CNTNAP2: variants seen among roughly 807,000 people sequenced by gnomAD.
CNTNAP2 encodes the protein contactin associated protein 2, also known as contactin-associated protein-like 2.
Under a neutral mutation model 155.2 loss-of-function variants are expected in CNTNAP2, and 98 were observed. That is an observed-to-expected ratio of 0.63 (90% CI 0.54 to 0.75). The LOEUF is 0.75. Ranked by LOEUF, CNTNAP2 falls within the 30% of genes least tolerant of loss-of-function variation. The pLI is 0.00. For missense variants in CNTNAP2, 1,727 were observed against 1,688.1 expected (o/e 1.02, Z -0.40); for synonymous variants, 651 against 631.2 (o/e 1.03, Z -0.47).
At chr7:146,179,960 T>C (rs1012059978) in intron 1 of CNTNAP2, among the ~76,000 whole-genome samples, 8 of 152,140 alleles carry the variant, frequency 5.3e-5, no homozygotes, top group Non-Finnish European at 8.8e-5. Context: ...CAGTGCTGTA[T>C]GTGTGTGTGT....
At chr7:147,816,358 G>T (rs1798266361) in intron 13 of CNTNAP2, among the ~76,000 whole-genome samples, 1 of 152,042 alleles carries the variant, frequency 6.6e-6, no homozygotes, top group Non-Finnish European at 1.5e-5. Flanking sequence ...GCAAAGACGG[G>T]TATGTACGGG....
At chr7:147,257,360 G>C (rs1804355568) in intron 8 of CNTNAP2, among the ~76,000 whole-genome samples, 1 of 152,190 alleles carries the variant, frequency 6.6e-6, no homozygotes, top group East Asian at 1.9e-4. Flanking sequence ...TCCTTTCAAA[G>C]GGAATCCTTG....
At chr7:147,296,922 G>A (rs1273175656) in intron 8 of CNTNAP2, among the ~76,000 whole-genome samples, 2 of 152,162 alleles carry the variant, frequency 1.3e-5, no homozygotes, top group Non-Finnish European at 1.5e-5. Context: ...ATCATTGGAA[G>A]CCATTGAAAT....
intron 15 of CNTNAP2, among the ~76,000 whole-genome samples, chr7:148,105,021 T>A (rs1478987890): frequency 6.6e-6 from 1 of 152,196 alleles, no homozygotes; most frequent in Non-Finnish European, 1.5e-5. Flanking sequence ...TGAATACCTG[T>A]GTGTCAAGCT....
intron 1 of CNTNAP2, among the ~76,000 whole-genome samples, chr7:146,526,764 C>T (rs1422983733): frequency 6.6e-6 from 1 of 152,092 alleles, no homozygotes; most frequent in Non-Finnish European, 1.5e-5. Flanking sequence ...ATTGTTCAAA[C>T]ATTTTGCCAT....
chr7:147,518,505 A>G (rs1799171778), intron 11 of CNTNAP2, among the ~76,000 whole-genome samples: 1 of 152,224 alleles, frequency 6.6e-6, no homozygotes, highest in African/African-American at 2.4e-5. Flanking sequence ...TACAGATGCT[A>G]TGAGAACATA....
intron 13 of CNTNAP2, among the ~76,000 whole-genome samples, chr7:147,781,643 A>C (rs1431021301): frequency 6.6e-6 from 1 of 152,188 alleles, no homozygotes; most frequent in Non-Finnish European, 1.5e-5. Context: ...ATTGTTTACA[A>C]TCAGGTTAGA....
At chr7:148,073,898 C>T (rs1185119317) in intron 15 of CNTNAP2, among the ~76,000 whole-genome samples, 1 of 152,104 alleles carries the variant, frequency 6.6e-6, no homozygotes, top group Admixed American at 6.6e-5. Flanking sequence ...ACTGACTTTT[C>T]ATCTGGGAGG....
chr7:146,600,525 G>A (rs978168437), intron 1 of CNTNAP2, among the ~76,000 whole-genome samples: 1 of 152,014 alleles, frequency 6.6e-6, no homozygotes, highest in South Asian at 2.1e-4. Context: ...AAAAGGTGAG[G>A]TGGAAAGAGT....
intron 13 of CNTNAP2, among the ~76,000 whole-genome samples, chr7:147,733,275 G>A (rs1404885608): frequency 6.6e-6 from 1 of 151,418 alleles, no homozygotes; most frequent in East Asian, 1.9e-4. Context: ...GTTAAATAGG[G>A]AATCCTTTCC....
At chr7:146,951,658 T>C (rs1375194597) in intron 3 of CNTNAP2, among the ~76,000 whole-genome samples, 1 of 152,206 alleles carries the variant, frequency 6.6e-6, no homozygotes, top group African/African-American at 2.4e-5. Context: ...TCTATATGTC[T>C]GTTTTGTTAC....
In CNTNAP2 at chr7:146,216,265, G is replaced by A. The variant is rs1799111312; in HGVS notation, c.97+99292G>A. Among the ~76,000 whole-genome samples the A allele has an allele frequency of 2.0e-5, 3 of 152,260 alleles. No homozygotes were observed. The South Asian group carries it at 6.2e-4, about 32-fold the overall frequency. ...TTGGAAGTTAGGCAGTGGTTGATGA[G>A]GTGATCAAGGTGGGAGATATGAGTG... On this transcript the variant is annotated intron_variant, in intron 1 of 23. Transcript: ENST00000361727.
intron 9 of CNTNAP2, among the ~76,000 whole-genome samples, chr7:147,324,848 A>G (rs754193888): frequency 6.6e-6 from 1 of 152,188 alleles, no homozygotes; most frequent in Non-Finnish European, 1.5e-5. Context: ...AACTGGCTAA[A>G]CAAAGATACA....
At chr7:146,182,144 TA>T (rs1192849921) in intron 1 of CNTNAP2, among the ~76,000 whole-genome samples, 1 of 152,126 alleles carries the variant, frequency 6.6e-6, no homozygotes, top group Admixed American at 6.6e-5. Context: ...CTAAAATATT[TA>T]GTATCTTCTT....
intron 13 of CNTNAP2, among the ~76,000 whole-genome samples, chr7:147,732,376 T>C (rs1009585162): frequency 1.3e-5 from 2 of 152,192 alleles, no homozygotes; most frequent in Admixed American, 6.5e-5. Context: ...CTCATCCTTT[T>C]TATGGCTGCA....
At chr7:148,024,183 T>C (rs1411733409) in intron 15 of CNTNAP2, among the ~76,000 whole-genome samples, 2 of 128,304 alleles carry the variant, frequency 1.6e-5, no homozygotes, top group South Asian at 4.9e-4. Flanking sequence ...AAAAAAACTT[T>C]ATAACATCCT....
Position 146,629,778 on chromosome 7 carries a change from C to G in CNTNAP2, c.98-144493C>G, listed in dbSNP as rs142193443. Among the ~76,000 whole-genome samples, 1,006 of 152,114 alleles carry G rather than the reference C, an allele frequency of 6.6e-3. 7 individuals are homozygous for G. Among genetic ancestry groups the G allele is most frequent in the African/African-American group, 0.023 (946 of 41,490 alleles). ...GCACACTGTGCATGAGTAATAACAACAAGAAGAAACTGGAGGCTTATGTTT... is the reference window on the plus strand; with the variant it reads ...GCACACTGTGCATGAGTAATAACAAGAAGAAGAAACTGGAGGCTTATGTTT... On this transcript the variant is annotated intron_variant, in intron 1 of 23. Coordinates refer to ENST00000361727, the MANE Select transcript of CNTNAP2 (RefSeq NM_014141.6).
At chr7:148,020,824 TA>T (rs1218868147) in intron 15 of CNTNAP2, among the ~76,000 whole-genome samples, 14 of 152,132 alleles carry the variant, frequency 9.2e-5, no homozygotes, top group Non-Finnish European at 1.6e-4. Flanking sequence ...GAGGTGAGCA[TA>T]AAAAAGGAGC....
At chr7:146,123,234 G>A (rs965363835) in intron 1 of CNTNAP2, among the ~76,000 whole-genome samples, 2 of 152,098 alleles carry the variant, frequency 1.3e-5, no homozygotes, top group African/African-American at 2.4e-5. Flanking sequence ...TGTGATTTAG[G>A]TTTGCTTGAA....
Sources: gnomAD v4.1 joint callset for allele counts (sites outside exome capture counted in the v4.1 genomes callset) on GRCh38, gnomAD v4.1.1 for gene constraint, MANE v1.5 for transcripts, NCBI Gene and HGNC (gene_info 2026-07-23, HGNC 2026-07-21) for gene names.